Variants in ANK3 observed in about 807,000 individuals in gnomAD.
ANK3 encodes ankyrin-3.
In ANK3, 57 loss-of-function variants were observed where a neutral mutation model predicts 370.9. The observed-to-expected ratio is 0.15, with a 90% CI of 0.12 to 0.19. The LOEUF (loss-of-function observed/expected upper bound fraction) is 0.19. Among genes scored for constraint, ANK3 ranks in the 10% least tolerant of loss-of-function variants. The probability of loss-of-function intolerance (pLI) is 1.00; values close to 1 mark genes in which losing one functional copy is unlikely to be tolerated. For missense variants in ANK3, 4,439 were observed against 5,302.1 expected (o/e 0.84, Z 5.06); for synonymous variants, 1,929 against 1,946.3 (o/e 0.99, Z 0.23).
chr10:60,654,147 A>G (rs1450941320), intron 1 of ANK3, among the ~76,000 whole-genome samples: 5 of 152,108 alleles, frequency 3.3e-5, no homozygotes, highest in African/African-American at 9.7e-5. Flanking sequence ...TAGAGATACT[A>G]TTGATTTTAT....
chr10:60,396,793 G>A (rs1172139719), intron 2 of ANK3, among the ~76,000 whole-genome samples: 14 of 152,142 alleles, frequency 9.2e-5, no homozygotes, highest in Admixed American at 9.2e-4. Context: ...CAACTTTGTC[G>A]CTAAGTAGCT....
intron 2 of ANK3, among the ~76,000 whole-genome samples, chr10:60,538,920 T>C (rs1215487708): frequency 6.6e-6 from 1 of 151,890 alleles, no homozygotes; most frequent in Non-Finnish European, 1.5e-5. Flanking sequence ...TGCATTTCCA[T>C]TTTTTTGTTG....
chr10:60,134,177 C>T, intron 25 of ANK3, 94 bp downstream of exon 25: 2 of 1,011,666 alleles, frequency 2.0e-6, no homozygotes, highest in Admixed American at 5.2e-5. Flanking sequence ...ATCAAACATG[C>T]AGAAATATAT....
chr10:60,164,364 G>C (rs2095568560), intron 23 of ANK3, among the ~76,000 whole-genome samples: 2 of 151,798 alleles, frequency 1.3e-5, no homozygotes, highest in African/African-American at 4.8e-5. Context: ...GCTTTGACGA[G>C]ACTAAAAATA....
At chr10:60,169,373 T>TTTTTG (rs2095715184) in intron 21 of ANK3, among the ~76,000 whole-genome samples, 7 of 150,352 alleles carry the variant, frequency 4.7e-5, no homozygotes, top group African/African-American at 1.7e-4. Context: ...AGTTTTTTTT[T>TTTTTG]TTTTTTTTTT....
intron 2 of ANK3, among the ~76,000 whole-genome samples, chr10:60,505,678 C>T (rs2075920142): frequency 6.6e-6 from 1 of 152,096 alleles, no homozygotes; most frequent in Admixed American, 6.6e-5. Flanking sequence ...GTACAATGAA[C>T]ACCCCAAGTC....
rs145154127 is a variant in ANK3 at position 60,376,986 on chromosome 10, T to C, written c.114+12439A>G. On this transcript the variant is annotated intron_variant, in intron 1 of 43. Coordinates refer to ENST00000280772, the MANE Select transcript of ANK3 (RefSeq NM_020987.5). Reference sequence around the variant, plus strand: ...ATAGTAAAACAGGGATCGTTAACAATGGCCATGCTTCAAAGGAAAGAAATT... The same window carrying C: ...ATAGTAAAACAGGGATCGTTAACAACGGCCATGCTTCAAAGGAAAGAAATT... Among the ~76,000 whole-genome samples the C allele has an allele frequency of 2.0e-5, 3 of 152,350 alleles. No homozygotes were observed. The East Asian group carries it at 5.8e-4, about 29-fold the overall frequency.
chr10:60,071,736 G>A lies in ANK3; in HGVS notation c.9145C>T (p.Pro3049Ser), dbSNP rs1009329743. ...EETETSPTKS[P>S]DSLEFSPGKE... Reference sequence around the variant, plus strand: ...CCTGGGCTAAACTCTAAAGAATCAGGAGATTTGGTGGGGGAGGTTTCGGTT... The same window carrying A: ...CCTGGGCTAAACTCTAAAGAATCAGAAGATTTGGTGGGGGAGGTTTCGGTT... The change falls in exon 37 of 44, where the codon CCT (proline) becomes TCT (serine). Residue 3049 changes from proline (P) to serine (S), a missense_variant. Physicochemically the swap from Pro to Ser is moderately conservative, Grantham distance 74. Transcript: ENST00000280772. 7 of 1,598,354 alleles carry A rather than the reference G, an allele frequency of 4.4e-6. No homozygotes were observed. Among genetic ancestry groups the A allele is most frequent in the Middle Eastern group, 1.7e-4 (1 of 5,960 alleles).
At chr10:60,441,552 G>A (rs952461635) in intron 2 of ANK3, among the ~76,000 whole-genome samples, 3 of 151,934 alleles carry the variant, frequency 2.0e-5, no homozygotes, top group South Asian at 4.1e-4. Context: ...ATGCACAACA[G>A]CAATTACATG....
At chr10:60,309,351 AATTG>A (rs774644903) in intron 1 of ANK3, among the ~76,000 whole-genome samples, 6 of 152,184 alleles carry the variant, frequency 3.9e-5, no homozygotes, top group Non-Finnish European at 8.8e-5. Context: ...CAAAACTCAC[AATTG>A]ATTATGAAAT....
At chr10:60,435,130 C>T (rs757080840) in intron 2 of ANK3, among the ~76,000 whole-genome samples, 6 of 152,122 alleles carry the variant, frequency 3.9e-5, no homozygotes, top group Admixed American at 3.3e-4. Flanking sequence ...TAATGCATTG[C>T]TCAGTATTTT....
intron 42 of ANK3, among the ~76,000 whole-genome samples, chr10:60,046,230 T>G (rs1204420955): frequency 6.6e-6 from 1 of 152,210 alleles, no homozygotes; most frequent in Non-Finnish European, 1.5e-5. Context: ...TTCAAATGTT[T>G]GGAGAAAACC....
Position 60,140,136 on chromosome 10 carries a change from A to C in ANK3, c.2615-1049T>G, listed in dbSNP as rs1391759121. 8.7e-6 allele frequency: 5 copies of C among 574,216 alleles called. No homozygotes were observed. The East Asian group carries it at 1.5e-4, about 17-fold the overall frequency. 35.6% of individuals were successfully genotyped at this position (574,216 alleles called of 1,614,324 possible). A position where few individuals can be genotyped will look rare whatever the true frequency, so the allele number is the denominator to read the frequency against. ...TTTTCCATTCATTTAAACTCAGGAA[A>C]CCGCAAGAGCTCAGCTTTTAAACTA... On this transcript the variant is annotated intron_variant, in intron 23 of 43. Transcript: ENST00000280772.
At chr10:60,369,109 C>A (rs529311312) in intron 1 of ANK3, among the ~76,000 whole-genome samples, 1 of 152,006 alleles carries the variant, frequency 6.6e-6, no homozygotes, top group African/African-American at 2.4e-5. Context: ...AAAAAAAACT[C>A]CCTAGAAACA....
chr10:60,609,885 A>ATATT (rs2078178729), intron 2 of ANK3, among the ~76,000 whole-genome samples: 3 of 152,168 alleles, frequency 2.0e-5, no homozygotes, highest in African/African-American at 7.2e-5. Context: ...ATATTTTCTA[A>ATATT]AGATTTACAT....
At chr10:60,706,805 A>G (rs1360421604) in intron 1 of ANK3, among the ~76,000 whole-genome samples, 2 of 152,224 alleles carry the variant, frequency 1.3e-5, no homozygotes, top group Non-Finnish European at 2.9e-5. Context: ...CAGGTTTATT[A>G]GACAATTAAC....
chr10:60,434,984 T>C (rs1227389105), intron 2 of ANK3, among the ~76,000 whole-genome samples: 2 of 152,194 alleles, frequency 1.3e-5, no homozygotes, highest in South Asian at 2.1e-4. Context: ...AATGAAAAAG[T>C]GTATTGGGCA....
At position 60,456,686 on chromosome 10, in the gene ANK3, C is replaced by T. The variant is rs188842622; in HGVS notation, c.96+158500G>A. ...AGGCTCTAGCACCATTCATTCTTGA[C>T]CCTCATCAGCCAAAATCAACTCAGT... On this transcript the variant is annotated intron_variant, in intron 2 of 43. Transcript: ENST00000373827. Among the ~76,000 whole-genome samples, 106 of 152,248 alleles carry T rather than the reference C, an allele frequency of 7.0e-4. 1 individual carries two copies. The highest frequency in any genetic ancestry group is 2.4e-3 in the African/African-American group (101 of 41,572).
chr10:60,107,085 G>A (rs1231487207), intron 27 of ANK3, among the ~76,000 whole-genome samples: 4 of 152,114 alleles, frequency 2.6e-5, no homozygotes, highest in South Asian at 2.1e-4. Flanking sequence ...CATGAATATC[G>A]ATTTATTAGA....
Sources: allele counts gnomAD v4.1 joint callset (sites outside exome capture counted in the v4.1 genomes callset), GRCh38; gene constraint gnomAD v4.1.1; transcripts MANE v1.5; gene names NCBI Gene and HGNC (gene_info 2026-07-23, HGNC 2026-07-21).